The following PLCH1 variants were observed in gnomAD, a reference collection of about 807,000 sequenced individuals.
PLCH1 encodes the protein 1-phosphatidylinositol 4,5-bisphosphate phosphodiesterase eta-1.
PLCH1 carries 60 observed loss-of-function variants against 126.7 expected under a neutral mutation model. That is an observed-to-expected ratio of 0.47 (90% CI 0.38 to 0.59). PLCH1 has a LOEUF of 0.59. PLCH1 is among the 20% of genes least tolerant of loss of function. The pLI is 0.00. For synonymous variants in PLCH1, 719 were observed against 734.9 expected (o/e 0.98, Z 0.35); for missense variants, 1,723 against 2,040.0 (o/e 0.84, Z 2.99).
chr3:155,514,590 G>T, intron 12 of PLCH1, 133 bp downstream of exon 12: 1 of 569,004 alleles, frequency 1.8e-6, no homozygotes. Flanking sequence ...TGCAATAAGA[G>T]ATTTTCATTT....
At position 155,481,081 on chromosome 3, in the gene PLCH1, A is replaced by C. The variant is rs1713936895; in HGVS notation, c.4945T>G (p.Cys1649Gly). The C allele has an allele frequency of 1.2e-6, 2 of 1,614,230 alleles. No individual in the cohort carries two copies. The highest frequency in any genetic ancestry group is 4.5e-5 in the East Asian group (2 of 44,880). ...ACGTGGCCATAGTGAAGAGCCGTGC[A>C]TGCCCCCTCTGGGATGCCCCGGCCT... ...LEGRGIPEGA[C>G]TALHYGHVDQ... The change falls in exon 23 of 23, where the codon TGC becomes GGC. Residue 1649 changes from cysteine (C) to glycine (G), a missense_variant. Coordinates refer to ENST00000460012, the MANE Select transcript of PLCH1 (RefSeq NM_014996.4). This position sits in a 1 kb window ranked among gnomAD's most constrained non-coding sequence, Gnocchi z 4.2.
intron 2 of PLCH1, among the ~76,000 whole-genome samples, chr3:155,643,201 G>A (rs1226096990): frequency 2.0e-5 from 3 of 152,022 alleles, no homozygotes; most frequent in Non-Finnish European, 2.9e-5. Flanking sequence ...CACCCACCTC[G>A]GCCTTCCAAA....
chr3:155,631,563 A>G (rs1738026720), intron 2 of PLCH1, among the ~76,000 whole-genome samples: 1 of 152,168 alleles, frequency 6.6e-6, no homozygotes, highest in Non-Finnish European at 1.5e-5. Flanking sequence ...ACAGAGGAAA[A>G]TTATGTCGCA....
chr3:155,520,488 A>G (rs922134906), intron 11 of PLCH1, among the ~76,000 whole-genome samples: 2 of 152,232 alleles, frequency 1.3e-5, no homozygotes, highest in Non-Finnish European at 2.9e-5. Context: ...TAGGAGATAC[A>G]GAGCTAATGT....
At chr3:155,542,462 C>T (rs879719041) in intron 10 of PLCH1, among the ~76,000 whole-genome samples, 1 of 152,130 alleles carries the variant, frequency 6.6e-6, no homozygotes, top group Non-Finnish European at 1.5e-5. Context: ...GGGCAGGGCA[C>T]AGACAAACAA....
chr3:155,690,034 G>GA (rs1047973782), intron 2 of PLCH1, among the ~76,000 whole-genome samples: 5 of 130,722 alleles, frequency 3.8e-5, no homozygotes, highest in African/African-American at 5.7e-5. Flanking sequence ...AGCAGCAAGA[G>GA]AAAAAAAAGA....
At chr3:155,584,852 C>G (rs928181672) in intron 5 of PLCH1, among the ~76,000 whole-genome samples, 13 of 152,250 alleles carry the variant, frequency 8.5e-5, no homozygotes, top group African/African-American at 2.6e-4. Flanking sequence ...TGTCCCCCCC[C>G]TTTAGGATTG....
At chr3:155,624,076 G>A (rs1220518560) in intron 2 of PLCH1, among the ~76,000 whole-genome samples, 1 of 152,050 alleles carries the variant, frequency 6.6e-6, no homozygotes. Flanking sequence ...TTCATCCCTG[G>A]GATGCAAGGC....
At chr3:155,641,703 A>C (rs1167966926) in intron 2 of PLCH1, among the ~76,000 whole-genome samples, 2 of 152,212 alleles carry the variant, frequency 1.3e-5, no homozygotes, top group East Asian at 3.8e-4. Context: ...TATGTACCCC[A>C]TAAATATGTA....
At chr3:155,520,312 G>A (rs1419932980) in intron 11 of PLCH1, among the ~76,000 whole-genome samples, 1 of 152,102 alleles carries the variant, frequency 6.6e-6, no homozygotes, top group Non-Finnish European at 1.5e-5. Flanking sequence ...AGGAATGATA[G>A]GAAAAAAGAT....
chr3:155,742,750 A>G (rs1456138430), intron 1 of PLCH1: 2 of 152,498 alleles, frequency 1.3e-5, no homozygotes, highest in Non-Finnish European at 2.9e-5. Context: ...TGGATTGCAC[A>G]ATGTTAAGAA....
At chr3:155,575,315 A>T (rs72996983) in intron 6 of PLCH1, among the ~76,000 whole-genome samples, 2,664 of 152,282 alleles carry the variant, frequency 0.017, 79 homozygotes, top group African/African-American at 0.061. Flanking sequence ...GATTAGAATG[A>T]CCATAACTCT....
At chr3:155,468,580 G>A (rs1358406580) in intron 21 of PLCH1, among the ~76,000 whole-genome samples, 3 of 152,100 alleles carry the variant, frequency 2.0e-5, no homozygotes, top group Non-Finnish European at 2.9e-5. Context: ...CCAAAAAAGA[G>A]CAGGAGTCAC....
At chr3:155,455,800 G>C (rs1301562281) in intron 21 of PLCH1, among the ~76,000 whole-genome samples, 1 of 152,124 alleles carries the variant, frequency 6.6e-6, no homozygotes, top group Non-Finnish European at 1.5e-5. Context: ...AAACCCATAG[G>C]CTATCTTTTC....
At chr3:155,487,358 C>T (rs539860720) in intron 21 of PLCH1, among the ~76,000 whole-genome samples, 2 of 152,318 alleles carry the variant, frequency 1.3e-5, no homozygotes, top group Admixed American at 1.3e-4. Context: ...CTTTAACAGT[C>T]CCTCCAAATC....
chr3:155,685,335 G>C (rs1412262291), intron 2 of PLCH1, among the ~76,000 whole-genome samples: 2 of 152,176 alleles, frequency 1.3e-5, no homozygotes, highest in Non-Finnish European at 2.9e-5. Context: ...AGCTACTAAT[G>C]GACAGTTCCC....
At chr3:155,616,293 G>C (rs959374502) in intron 2 of PLCH1, among the ~76,000 whole-genome samples, 3 of 152,184 alleles carry the variant, frequency 2.0e-5, no homozygotes, top group Non-Finnish European at 4.4e-5. Flanking sequence ...AGATAGAAAA[G>C]AATAAAACTG....
At chr3:155,493,569 A>G (rs1294275197) in intron 17 of PLCH1, among the ~76,000 whole-genome samples, 2 of 152,116 alleles carry the variant, frequency 1.3e-5, no homozygotes, top group Non-Finnish European at 2.9e-5. Context: ...GATTTTCAGT[A>G]GAGACGGCGT....
chr3:155,564,849 A>T (rs1728113418), intron 8 of PLCH1, 66 bp downstream of exon 8: 2 of 976,856 alleles, frequency 2.0e-6, no homozygotes. Flanking sequence ...TTTATACTAG[A>T]CTCGACAGAC....
Sources: allele counts gnomAD v4.1 joint callset (sites outside exome capture counted in the v4.1 genomes callset), GRCh38; gene constraint gnomAD v4.1.1; non-coding constraint Gnocchi (gnomAD v3.1); transcripts MANE v1.5; gene names NCBI Gene and HGNC (gene_info 2026-07-23, HGNC 2026-07-21).